The following CD36 variants were observed in gnomAD, a reference collection of about 807,000 sequenced individuals.
CD36 encodes CD36 molecule (CD36 blood group).
Under a neutral mutation model 55.2 loss-of-function variants are expected in CD36, and 119 were observed. The ratio of observed to expected loss-of-function variants is 2.15; its 90% CI spans 1.86 to 2.51. The LOEUF is 2.51. Ranked by LOEUF, CD36 falls within the 30% of genes most tolerant of loss-of-function variation. The pLI is 0.00. For missense variants in CD36, 819 were observed against 555.5 expected, an observed-to-expected ratio of 1.47 and a Z score of -4.77; for synonymous variants, 186 against 193.6, an observed-to-expected ratio of 0.96 and a Z score of 0.33.
At chr7:80,613,472 T>C (rs1294684650) in intron 1 of CD36, among the ~76,000 whole-genome samples, 1 of 152,148 alleles carries the variant, frequency 6.6e-6, no homozygotes, top group Non-Finnish European at 1.5e-5. Context: ...AAGAAAGATA[T>C]TCATTCTTCT....
At chr7:80,620,730 G>C (rs73150455) in intron 1 of CD36, among the ~76,000 whole-genome samples, 3 of 152,056 alleles carry the variant, frequency 2.0e-5, no homozygotes, top group East Asian at 3.9e-4. Flanking sequence ...TGAAAGGAGG[G>C]CTAGAGGGAG....
At chr7:80,628,729 C>T (rs1017138398) in intron 1 of CD36, among the ~76,000 whole-genome samples, 7 of 151,958 alleles carry the variant, frequency 4.6e-5, no homozygotes, top group Non-Finnish European at 7.4e-5. Context: ...TCCCATCTAC[C>T]CACGGTAGTC....
intron 1 of CD36, among the ~76,000 whole-genome samples, chr7:80,623,202 T>C (rs4545029): frequency 2.6e-5 from 4 of 151,870 alleles, no homozygotes; most frequent in Non-Finnish European, 5.9e-5. Flanking sequence ...GGACCAGCTC[T>C]AGAATGAATG....
chr7:80,606,107 T>C (rs2115701930), intron 1 of CD36, among the ~76,000 whole-genome samples: 1 of 152,330 alleles, frequency 6.6e-6, no homozygotes, highest in South Asian at 2.1e-4. Context: ...GTCTAAATAT[T>C]TCCTAAATCA....
Position 80,678,829 on chromosome 7 carries a change from C to A in CD36, c.*2446C>A, listed in dbSNP as rs550442658. On this transcript the variant is annotated 3_prime_UTR_variant, in exon 15 of 15. Transcript: ENST00000447544. Reference sequence around the variant, plus strand: ...ACTGCACTCCAGCCTGGTGACAGAGCGAGATTCCATCTCAAAAAAAAAAAA... The same window carrying A: ...ACTGCACTCCAGCCTGGTGACAGAGAGAGATTCCATCTCAAAAAAAAAAAA... 6.9e-6 allele frequency: 1 copy of A among 144,448 alleles called. No individual in the cohort carries two copies. Among genetic ancestry groups the A allele is most frequent in the East Asian group, 2.1e-4 (1 of 4,780 alleles). The allele number at this position is 144,448 out of a possible 1,614,324, so 8.9% of individuals were successfully genotyped here.
At chr7:80,674,364 C>T in intron 14 of CD36, 1 of 503,806 alleles carries the variant, frequency 2.0e-6, no homozygotes, top group Non-Finnish European at 3.6e-6. Flanking sequence ...AAAAGATGTA[C>T]TTGTGACCAT....
At chr7:80,648,306 A>G (rs977899942) in intron 3 of CD36, among the ~76,000 whole-genome samples, 4 of 152,090 alleles carry the variant, frequency 2.6e-5, no homozygotes, top group Non-Finnish European at 4.4e-5. Context: ...GTGTTAACGT[A>G]CAGACTACAA....
intron 10 of CD36, 122 bp from the exon 11 acceptor site, chr7:80,671,800 C>T: frequency 1.3e-6 from 1 of 797,142 alleles, no homozygotes; most frequent in Non-Finnish European, 2.1e-6. Flanking sequence ...TCTTCCCCAC[C>T]CATGTTAAAA....
Position 80,672,971 on chromosome 7 carries a change from GTCACCA to G in CD36, c.1199+129_1199+134del, listed in dbSNP as rs1797862147. ...GATATCAACTTATCTTTAGCTTAAT[GTCACCA>G]ATCATTATTAAATGCTTATGACTAA... is the stretch of plus-strand genomic sequence containing the variant. On this transcript the variant is annotated intron_variant, in intron 12 of 14. Transcript: ENST00000447544. 2.4e-5 allele frequency: 17 copies of G among 708,428 alleles called. No homozygotes were observed. The South Asian group carries it at 2.7e-4, about 11-fold the overall frequency. 43.9% of individuals were successfully genotyped at this position (708,428 alleles called of 1,614,324 possible). A position where few individuals can be genotyped will look rare whatever the true frequency, so the allele number is the denominator to read the frequency against.
At chr7:80,650,409 A>G (rs763660661) in intron 3 of CD36, among the ~76,000 whole-genome samples, 9 of 152,122 alleles carry the variant, frequency 5.9e-5, no homozygotes, top group Non-Finnish European at 1.0e-4. Context: ...TGGCGTATGT[A>G]TATCTTTGGC....
upstream of CD36, among the ~76,000 whole-genome samples, chr7:80,637,547 T>C (rs1285787219): frequency 6.6e-6 from 1 of 151,594 alleles, no homozygotes; most frequent in Non-Finnish European, 1.5e-5. Flanking sequence ...AAAAAATTCT[T>C]GAGGAGAAAA....
chr7:80,675,485 G>A (rs193017970), intron 14 of CD36, among the ~76,000 whole-genome samples: 1 of 151,954 alleles, frequency 6.6e-6, no homozygotes, highest in Admixed American at 6.6e-5. Flanking sequence ...CAGATTCCTT[G>A]GGTCTATTTA....
chr7:80,670,164 T>C, intron 9 of CD36, 142 bp downstream of exon 9: 1 of 661,670 alleles, frequency 1.5e-6, no homozygotes, highest in Non-Finnish European at 2.7e-6. Flanking sequence ...CATCTTCCAA[T>C]TTTTAATAGT....
chr7:80,642,075 A>G (rs977526942), intron 1 of CD36, among the ~76,000 whole-genome samples: 3 of 152,166 alleles, frequency 2.0e-5, no homozygotes, highest in Non-Finnish European at 4.4e-5. Flanking sequence ...TGAGCTGCCT[A>G]TAGAATCAAG....
chr7:80,666,638 A>T, intron 8 of CD36, 149 bp downstream of exon 8: 1 of 705,634 alleles, frequency 1.4e-6, no homozygotes, highest in South Asian at 1.5e-5. Context: ...CTATTTGTAT[A>T]TAGGCTAAAG....
At chr7:80,621,890 C>T (rs1302800017) in intron 1 of CD36, among the ~76,000 whole-genome samples, 1 of 152,212 alleles carries the variant, frequency 6.6e-6, no homozygotes, top group Non-Finnish European at 1.5e-5. Context: ...AGCCACACTA[C>T]GAGTTAAACC....
chr7:80,607,446 T>G (rs949255043), intron 1 of CD36, among the ~76,000 whole-genome samples: 3 of 152,160 alleles, frequency 2.0e-5, no homozygotes, highest in Non-Finnish European at 4.4e-5. Flanking sequence ...GGGATAGTTT[T>G]TAGCACACTC....
intron 1 of CD36, among the ~76,000 whole-genome samples, chr7:80,620,616 A>G (rs1040321468): frequency 1.3e-5 from 2 of 152,080 alleles, no homozygotes; most frequent in Non-Finnish European, 2.9e-5. Flanking sequence ...TCCTGACTTC[A>G]GCATTCCTTC....
chr7:80,646,359 G>A (rs1386869592), intron 2 of CD36, 178 bp downstream of exon 2: 8 of 289,582 alleles, frequency 2.8e-5, no homozygotes, highest in Non-Finnish European at 5.4e-5. Flanking sequence ...GAGAGATGAG[G>A]GTGAGAGTTC....
Sources: gnomAD v4.1 joint callset for allele counts (sites outside exome capture counted in the v4.1 genomes callset) on GRCh38, gnomAD v4.1.1 for gene constraint, MANE v1.5 for transcripts, NCBI Gene and HGNC (gene_info 2026-07-23, HGNC 2026-07-21) for gene names.